DUS2: variants seen among roughly 807,000 people sequenced by gnomAD.
DUS2 encodes the protein dihydrouridine synthase 2, also known as tRNA-dihydrouridine(20) synthase [NAD(P)+]-like.
Under a neutral mutation model 71.3 loss-of-function variants are expected in DUS2, and 52 were observed. That is an observed-to-expected ratio of 0.73 (90% CI 0.58 to 0.92). The LOEUF is 0.92. DUS2 is among the 40% of genes least tolerant of loss of function. DUS2 has a pLI of 0.00. For synonymous variants in DUS2, 204 were observed against 227.8 expected, an observed-to-expected ratio of 0.90 and a Z score of 0.94; for missense variants, 558 against 622.6, an observed-to-expected ratio of 0.90 and a Z score of 1.10.
intron 3 of DUS2, among the ~76,000 whole-genome samples, chr16:68,048,768 C>A (rs1261756279): frequency 6.6e-6 from 1 of 152,010 alleles, no homozygotes; most frequent in Non-Finnish European, 1.5e-5. Context: ...CTCTTCTTTT[C>A]TTTTCTGGAC....
chr16:68,063,747 G>A (rs2033971072), intron 8 of DUS2, among the ~76,000 whole-genome samples: 1 of 151,810 alleles, frequency 6.6e-6, no homozygotes, highest in African/African-American at 2.4e-5. Flanking sequence ...ATTTTGAGAG[G>A]GAGTCTTGCT....
At chr16:68,062,546 A>C (rs569593120) in intron 8 of DUS2, among the ~76,000 whole-genome samples, 2 of 151,574 alleles carry the variant, frequency 1.3e-5, no homozygotes, top group East Asian at 3.9e-4. Flanking sequence ...GGTGAAACCC[A>C]GTCTCTACTA....
chr16:68,073,966 C>T (rs1241533820), intron 12 of DUS2, 68 bp from the exon 13 acceptor site: 1 of 1,594,158 alleles, frequency 6.3e-7, no homozygotes, highest in East Asian at 2.2e-5. Context: ...GCTCCTTTCC[C>T]TGCCATCAGA....
intron 2 of DUS2, among the ~76,000 whole-genome samples, chr16:68,027,656 T>A (rs542512584): frequency 6.6e-6 from 1 of 152,366 alleles, no homozygotes; most frequent in African/African-American, 2.4e-5. Context: ...CACCTTACAG[T>A]GAAGAAGGCA....
At chr16:68,067,902 C>T (rs930411464) in intron 10 of DUS2, among the ~76,000 whole-genome samples, 3 of 152,078 alleles carry the variant, frequency 2.0e-5, no homozygotes, top group Non-Finnish European at 4.4e-5. Context: ...TTAAGTGATC[C>T]TCCTGCCTCA....
intron 2 of DUS2, among the ~76,000 whole-genome samples, chr16:68,036,724 GC>G (rs2033535443): frequency 6.6e-6 from 1 of 152,232 alleles, no homozygotes; most frequent in South Asian, 2.1e-4. Flanking sequence ...ATAGGTGTGA[GC>G]CACTGCGCCT....
chr16:68,060,925 TA>T lies in DUS2; in HGVS notation c.370-137del, dbSNP rs1247823092. 26 of 698,992 alleles carry T rather than the reference TA, an allele frequency of 3.7e-5. No individual in the cohort carries two copies. In the East Asian group the frequency reaches 6.6e-4, roughly 18 times the overall value. 43.3% of individuals were successfully genotyped at this position (698,992 alleles called of 1,614,324 possible). ...AGATACTGCTGCCCTCCTACTTGTT[TA>T]AAAGAAGTGCCGGTTGCCAGTGGGC... On this transcript the variant is annotated intron_variant, in intron 7 of 16. Transcript: ENST00000565263.
intron 2 of DUS2, among the ~76,000 whole-genome samples, chr16:68,027,396 A>G (rs549847533): frequency 6.6e-6 from 1 of 151,986 alleles, no homozygotes; most frequent in Non-Finnish European, 1.5e-5. Context: ...GCGCCACCAC[A>G]CCCGGCTAAT....
chr16:68,059,151 C>T (rs1598312230), intron 7 of DUS2, among the ~76,000 whole-genome samples: 1 of 151,850 alleles, frequency 6.6e-6, no homozygotes, highest in East Asian at 1.9e-4. Flanking sequence ...AGGCAGAGGT[C>T]GCAGTGAGCC....
At chr16:68,065,734 C>T (rs1298515975) in intron 8 of DUS2, among the ~76,000 whole-genome samples, 1 of 152,132 alleles carries the variant, frequency 6.6e-6, no homozygotes, top group Non-Finnish European at 1.5e-5. Flanking sequence ...CCACCTCAGC[C>T]TCTCAAAGTG....
intron 3 of DUS2, 144 bp downstream of exon 3, chr16:68,038,293 G>A: frequency 8.4e-7 from 1 of 1,185,692 alleles, no homozygotes; most frequent in Non-Finnish European, 1.2e-6. Flanking sequence ...AGACAAACAT[G>A]TGTGACACTG....
intron 10 of DUS2, among the ~76,000 whole-genome samples, chr16:68,068,791 G>A (rs974320911): frequency 6.7e-6 from 1 of 148,466 alleles, no homozygotes; most frequent in African/African-American, 2.5e-5. Flanking sequence ...GTAGAGATGG[G>A]GTTTCACCAT....
chr16:68,064,514 ATCACCAAATG>A (rs1227063732), intron 8 of DUS2, among the ~76,000 whole-genome samples: 1 of 152,258 alleles, frequency 6.6e-6, no homozygotes, highest in Non-Finnish European at 1.5e-5. Context: ...TGTTGCTTAA[ATCACCAAATG>A]TCAGAGGATT....
intron 4 of DUS2, 133 bp from the exon 5 acceptor site, chr16:68,053,431 G>A: frequency 2.6e-6 from 2 of 758,976 alleles, no homozygotes; most frequent in Non-Finnish European, 4.4e-6. Context: ...GTTATTTTTG[G>A]TAAGAATGGT....
At chr16:68,046,997 G>T (rs201933500) in intron 3 of DUS2, among the ~76,000 whole-genome samples, 2 of 149,148 alleles carry the variant, frequency 1.3e-5, no homozygotes, top group Middle Eastern at 3.6e-3. Context: ...TGATCCGCCC[G>T]CCTTGGCTTC....
At chr16:68,064,228 C>T (rs893291011) in intron 8 of DUS2, among the ~76,000 whole-genome samples, 5 of 152,212 alleles carry the variant, frequency 3.3e-5, no homozygotes, top group Non-Finnish European at 7.3e-5. Flanking sequence ...CAAATATGGA[C>T]TTGTCTCTCA....
At chr16:68,063,677 A>G (rs1475035633) in intron 8 of DUS2, among the ~76,000 whole-genome samples, 2 of 152,092 alleles carry the variant, frequency 1.3e-5, no homozygotes, top group African/African-American at 4.8e-5. Flanking sequence ...TAACTCTGAT[A>G]TATGCTCCCT....
intron 3 of DUS2, among the ~76,000 whole-genome samples, chr16:68,040,742 G>A (rs1005141457): frequency 6.6e-6 from 1 of 152,040 alleles, no homozygotes; most frequent in African/African-American, 2.4e-5. Flanking sequence ...GGCTGAGTGT[G>A]GTGTCAGCGC....
chr16:68,048,953 G>C (rs959239491), intron 3 of DUS2, among the ~76,000 whole-genome samples: 1 of 152,054 alleles, frequency 6.6e-6, no homozygotes, highest in Non-Finnish European at 1.5e-5. Flanking sequence ...TCTTTCCTTA[G>C]TCTGTTTGAG....
Sources: allele counts gnomAD v4.1 joint callset (sites outside exome capture counted in the v4.1 genomes callset), GRCh38; gene constraint gnomAD v4.1.1; transcripts MANE v1.5; gene names NCBI Gene and HGNC (gene_info 2026-07-23, HGNC 2026-07-21).